TNFSF13B: variants seen among roughly 807,000 people sequenced by gnomAD.
The protein encoded by TNFSF13B is tumor necrosis factor ligand superfamily member 13B.
In TNFSF13B, 8 loss-of-function variants were observed where a neutral mutation model predicts 29.1. That is an observed-to-expected ratio of 0.27 (90% CI 0.16 to 0.50). The LOEUF is 0.50. Ranked by LOEUF, TNFSF13B falls within the 20% of genes least tolerant of loss-of-function variation. The probability of loss-of-function intolerance (pLI) is 0.98; values close to 1 mark genes in which losing one functional copy is unlikely to be tolerated. For missense variants in TNFSF13B, 248 were observed against 334.9 expected (o/e 0.74, Z 2.03); for synonymous variants, 125 against 130.8 (o/e 0.96, Z 0.30).
At chr13:108,272,516 T>C (rs1371777520) in intron 2 of TNFSF13B, among the ~76,000 whole-genome samples, 1 of 152,078 alleles carries the variant, frequency 6.6e-6, no homozygotes, top group Non-Finnish European at 1.5e-5. Context: ...TTCTGTTGTT[T>C]ATTTTGATGA....
chr13:108,273,091 C>T (rs533966737), intron 2 of TNFSF13B, among the ~76,000 whole-genome samples: 4 of 152,144 alleles, frequency 2.6e-5, no homozygotes, highest in African/African-American at 9.6e-5. Context: ...TTTCCACAGC[C>T]CAGAAGTAGC....
intron 3 of TNFSF13B, among the ~76,000 whole-genome samples, chr13:108,302,405 C>T (rs1433076769): frequency 6.6e-6 from 1 of 152,162 alleles, no homozygotes; most frequent in Non-Finnish European, 1.5e-5. Flanking sequence ...CCTTAGGGCT[C>T]ACCCTTTATT....
intron 3 of TNFSF13B, among the ~76,000 whole-genome samples, chr13:108,294,459 C>T (rs780461628): frequency 6.6e-6 from 1 of 152,046 alleles, no homozygotes; most frequent in Non-Finnish European, 1.5e-5. Flanking sequence ...GTATTACAGG[C>T]GTGAGCCACC....
At chr13:108,282,529 A>G (rs1332833442) in intron 2 of TNFSF13B, among the ~76,000 whole-genome samples, 1 of 152,192 alleles carries the variant, frequency 6.6e-6, no homozygotes, top group Non-Finnish European at 1.5e-5. Flanking sequence ...TATTTAAATT[A>G]CACTCTAATT....
At chr13:108,302,018 G>A (rs1196876334) in intron 3 of TNFSF13B, among the ~76,000 whole-genome samples, 1 of 152,178 alleles carries the variant, frequency 6.6e-6, no homozygotes, top group African/African-American at 2.4e-5. Context: ...TGTACACTTG[G>A]CAGTTGTATT....
chr13:108,271,021 C>T (rs2139037750), intron 2 of TNFSF13B, among the ~76,000 whole-genome samples: 1 of 151,288 alleles, frequency 6.6e-6, no homozygotes, highest in Non-Finnish European at 1.5e-5. Flanking sequence ...TACGCTTTTC[C>T]AGGGGATCCA....
At chr13:108,278,288 G>A (rs1374797940) in intron 2 of TNFSF13B, among the ~76,000 whole-genome samples, 2 of 152,080 alleles carry the variant, frequency 1.3e-5, no homozygotes, top group Non-Finnish European at 2.9e-5. Flanking sequence ...GTTGTTAGTG[G>A]TAGAGATCAC....
chr13:108,287,963 C>T (rs1226046409), intron 3 of TNFSF13B, among the ~76,000 whole-genome samples: 9 of 152,112 alleles, frequency 5.9e-5, no homozygotes, highest in Admixed American at 6.5e-5. Context: ...GTTTCAGTGT[C>T]GTATAAGTTT....
Position 108,306,963 on chromosome 13 carries a change from AT to A in TNFSF13B, c.*29del. ...ACCTACTTACACCATGTCTGTAGCTATTTTCCTCCCTTTCTCTGTACCTCTA... is the reference window on the plus strand; with the variant it reads ...ACCTACTTACACCATGTCTGTAGCTATTTCCTCCCTTTCTCTGTACCTCTA... On this transcript the variant is annotated 3_prime_UTR_variant, in exon 6 of 6. Transcript: ENST00000375887. 3 of 1,188,878 alleles carry A rather than the reference AT, an allele frequency of 2.5e-6. No individual in the cohort carries two copies. The highest frequency in any genetic ancestry group is 2.3e-6 in the Non-Finnish European group (2 of 852,396). The allele number at this position is 1,188,878 out of a possible 1,614,324, so 73.6% of individuals were successfully genotyped here.
chr13:108,281,273 A>C (rs1339697852), intron 2 of TNFSF13B, among the ~76,000 whole-genome samples: 1 of 152,104 alleles, frequency 6.6e-6, no homozygotes, highest in African/African-American at 2.4e-5. Flanking sequence ...AAAGAAAATT[A>C]TCATTTGAAG....
chr13:108,299,705 G>A (rs1377567603), intron 3 of TNFSF13B, among the ~76,000 whole-genome samples: 1 of 152,124 alleles, frequency 6.6e-6, no homozygotes, highest in African/African-American at 2.4e-5. Flanking sequence ...ACTTTCACTA[G>A]GCTGTCTGCA....
At chr13:108,286,134 A>G (rs986837226) in intron 2 of TNFSF13B, among the ~76,000 whole-genome samples, 5 of 152,208 alleles carry the variant, frequency 3.3e-5, no homozygotes, top group African/African-American at 9.6e-5. Context: ...TTGGTCCAAT[A>G]TATTTTACCA....
intron 2 of TNFSF13B, among the ~76,000 whole-genome samples, chr13:108,280,424 A>G (rs1880906665): frequency 1.3e-5 from 2 of 152,138 alleles, no homozygotes; most frequent in Admixed American, 1.3e-4. Flanking sequence ...TTAATTGCTG[A>G]TTGGGGAATT....
At chr13:108,298,741 C>T (rs533590194) in intron 3 of TNFSF13B, among the ~76,000 whole-genome samples, 2 of 145,378 alleles carry the variant, frequency 1.4e-5, no homozygotes, top group African/African-American at 2.6e-5. Context: ...CTTTGGGAGG[C>T]CAAGGCAGGA....
rs757292854 is a variant in TNFSF13B, at chr13:108,286,876, A to G, written c.481+17A>G. ...TACAAAAAGGTAATAAAATATAGCAAAGACTTGGAACCAAGCCAAATGTCC... is the reference window on the plus strand; with the variant it reads ...TACAAAAAGGTAATAAAATATAGCAGAGACTTGGAACCAAGCCAAATGTCC... On this transcript the variant is annotated intron_variant, in intron 3 of 5. Transcript: ENST00000375887. 12 of 1,539,440 alleles carry G rather than the reference A, an allele frequency of 7.8e-6. No individual in the cohort carries two copies. The South Asian group carries it at 1.2e-4, about 15-fold the overall frequency.
intron 3 of TNFSF13B, among the ~76,000 whole-genome samples, chr13:108,300,742 G>A (rs183604280): frequency 1.5e-4 from 23 of 152,272 alleles, no homozygotes; most frequent in African/African-American, 5.5e-4. Flanking sequence ...TTTGGGAAAA[G>A]CCAATTAGAC....
chr13:108,280,764 G>A (rs1249477174), intron 2 of TNFSF13B, among the ~76,000 whole-genome samples: 5 of 150,742 alleles, frequency 3.3e-5, no homozygotes, highest in African/African-American at 1.2e-4. Context: ...CAAAAGGCTT[G>A]CAATTTTACA....
chr13:108,301,017 T>C (rs912779873), intron 3 of TNFSF13B, among the ~76,000 whole-genome samples: 2 of 152,198 alleles, frequency 1.3e-5, no homozygotes, highest in Admixed American at 1.3e-4. Context: ...TGCTTGGTTA[T>C]CACCTAGGAT....
chr13:108,302,522 G>A (rs1400913195), intron 3 of TNFSF13B, among the ~76,000 whole-genome samples: 4 of 102,070 alleles, frequency 3.9e-5, no homozygotes. Context: ...TACAGATTCT[G>A]GCTCAGCAAT....
Sources: allele counts gnomAD v4.1 joint callset (sites outside exome capture counted in the v4.1 genomes callset), GRCh38; gene constraint gnomAD v4.1.1; transcripts MANE v1.5; gene names NCBI Gene and HGNC (gene_info 2026-07-23, HGNC 2026-07-21).